Variants in BRSK2 observed in about 807,000 individuals in gnomAD.
BRSK2 encodes serine/threonine-protein kinase BRSK2.
In BRSK2, 19 loss-of-function variants were observed where a neutral mutation model predicts 83.3. That is an observed-to-expected ratio of 0.23 (90% CI 0.16 to 0.33). The LOEUF (loss-of-function observed/expected upper bound fraction) is 0.33. Among genes scored for constraint, BRSK2 ranks in the 10% least tolerant of loss-of-function variants. The pLI is 1.00. For synonymous variants in BRSK2, 519 were observed against 435.4 expected, an observed-to-expected ratio of 1.19 and a Z score of -2.39; for missense variants, 798 against 1,042.3, an observed-to-expected ratio of 0.77 and a Z score of 3.23.
intron 1 of BRSK2, among the ~76,000 whole-genome samples, chr11:1,401,889 G>C (rs1205760879): frequency 3.3e-5 from 5 of 152,242 alleles, no homozygotes; most frequent in Non-Finnish European, 7.3e-5. Context: ...AGCTATGTGA[G>C]GGCCGGTGAT....
At position 1,444,952 on chromosome 11, in the gene BRSK2, T is replaced by C. The variant is rs1321202508; in HGVS notation, c.781-19T>C. Reference sequence around the variant, plus strand: ...CCGTCCCTCGTCCGTACTAACTCCCTGTTTCTCTTTCCTTGTAGCTAGAGC... The same window carrying C: ...CCGTCCCTCGTCCGTACTAACTCCCCGTTTCTCTTTCCTTGTAGCTAGAGC... On this transcript the variant is annotated intron_variant, in intron 8 of 19. Transcript: ENST00000528841. 2 of 1,611,128 alleles carry C rather than the reference T, an allele frequency of 1.2e-6. No homozygotes were observed. The highest frequency in any genetic ancestry group is 1.7e-6 in the Non-Finnish European group (2 of 1,177,612).
Position 1,438,320 on chromosome 11 carries a change from C to T in BRSK2, c.201C>T (p.Ile67=), listed in dbSNP as rs577288602. ...ESVLMKVERE[I]AILKLIEHPH... ...CTCCCATGCAGGTGGAGCGGGAGAT[C>T]GCGATCCTGAAGCTCATTGAGCACC... Residue 67 remains isoleucine (I), a synonymous_variant, in exon 3 of 20, where the codon ATC becomes ATT. Transcript: ENST00000528841. This position sits in a 1 kb window ranked among gnomAD's most constrained non-coding sequence, Gnocchi z 6.4. 26 of 1,614,046 alleles carry T rather than the reference C, an allele frequency of 1.6e-5. No homozygotes were observed. The highest frequency in any genetic ancestry group is 4.4e-5 in the South Asian group (4 of 91,072).
chr11:1,396,210 C>T (rs1221321487), intron 1 of BRSK2, among the ~76,000 whole-genome samples: 3 of 111,648 alleles, frequency 2.7e-5, no homozygotes, highest in East Asian at 2.3e-4. Context: ...CCACGTCCCC[C>T]ACTCCTGGTC....
intron 1 of BRSK2, among the ~76,000 whole-genome samples, chr11:1,402,270 C>T (rs1391003401): frequency 1.3e-5 from 2 of 152,212 alleles, no homozygotes; most frequent in Non-Finnish European, 2.9e-5. Context: ...TCCATGTCCC[C>T]TGGAGCGCAC....
intron 8 of BRSK2, among the ~76,000 whole-genome samples, chr11:1,443,905 C>G (rs1026600944): frequency 2.0e-5 from 3 of 151,732 alleles, no homozygotes; most frequent in Admixed American, 6.6e-5. Flanking sequence ...TGTGTGGGCT[C>G]GTGTTCAGGT....
intron 6 of BRSK2, 31 bp from the exon 7 acceptor site, chr11:1,443,304 C>A: frequency 6.3e-7 from 1 of 1,590,018 alleles, no homozygotes; most frequent in Non-Finnish European, 8.5e-7. Context: ...TGCCCTGCGC[C>A]CCCCAACAGC....
Position 1,413,814 on chromosome 11 carries a change from C to T in BRSK2, c.92-22226C>T, listed in dbSNP as rs557157830. 3.3e-5 allele frequency among the ~76,000 whole-genome samples: 5 copies of T among 152,322 alleles called. No individual in the cohort carries two copies. The South Asian group carries it at 1.0e-3, about 32-fold the overall frequency. Reference sequence around the variant, plus strand: ...GCCATCTCTGGGGGCATCAGTGGCCCCAGAGCCAAGGAGCAGCCCCAGGGG... The same window carrying T: ...GCCATCTCTGGGGGCATCAGTGGCCTCAGAGCCAAGGAGCAGCCCCAGGGG... On this transcript the variant is annotated intron_variant, in intron 1 of 19. Coordinates refer to ENST00000528841, the MANE Select transcript of BRSK2 (RefSeq NM_001256627.2).
chr11:1,445,120 C>T, intron 9 of BRSK2, 118 bp downstream of exon 9: 3 of 1,500,610 alleles, frequency 2.0e-6, no homozygotes, highest in Non-Finnish European at 2.8e-6. Flanking sequence ...CTGCCTTGGC[C>T]CTCCGTGGCC....
In BRSK2 at chr11:1,438,582, T is replaced by C. The variant is rs1403319910; in HGVS notation, c.272+191T>C. ...CAGCCCAGGCTGCTGTGGTCTCTGC[T>C]TCTGGACCAAACCGGAGACCTGGTC... On this transcript the variant is annotated intron_variant, in intron 3 of 19. Coordinates refer to ENST00000528841, the MANE Select transcript of BRSK2 (RefSeq NM_001256627.2). The surrounding 1 kb of genome is among the most constrained non-coding windows in gnomAD (Gnocchi z 6.4). Among the ~76,000 whole-genome samples the C allele has an allele frequency of 6.6e-6, 1 of 152,106 alleles. No homozygotes were observed. Among genetic ancestry groups the C allele is most frequent in the Non-Finnish European group, 1.5e-5 (1 of 67,992 alleles).
At chr11:1,437,834 C>T (rs888914139) in intron 2 of BRSK2, among the ~76,000 whole-genome samples, 4 of 152,178 alleles carry the variant, frequency 2.6e-5, no homozygotes, top group African/African-American at 7.2e-5. Context: ...ATTCCTGAGG[C>T]TGGGCTCACA....
chr11:1,421,069 A>T (rs907482286), intron 1 of BRSK2, among the ~76,000 whole-genome samples: 1 of 151,990 alleles, frequency 6.6e-6, no homozygotes, highest in Admixed American at 6.6e-5. Flanking sequence ...GATCTTTAGG[A>T]TTCAGATCTT....
intron 1 of BRSK2, among the ~76,000 whole-genome samples, chr11:1,393,738 G>A (rs1440707990): frequency 1.3e-5 from 2 of 152,206 alleles, no homozygotes; most frequent in Admixed American, 6.5e-5. Context: ...GACCCTGGGG[G>A]TGACCCCAGG....
intron 1 of BRSK2, chr11:1,411,602 G>A (rs983725145): frequency 1.3e-6 from 2 of 1,576,706 alleles, no homozygotes; most frequent in Non-Finnish European, 1.7e-6. Context: ...CTCAAGGCCA[G>A]ACCTGGCTCT....
intron 1 of BRSK2, among the ~76,000 whole-genome samples, chr11:1,397,484 C>T (rs1357947050): frequency 3.3e-5 from 5 of 152,236 alleles, no homozygotes; most frequent in Non-Finnish European, 4.4e-5. Context: ...CCTCGTTTTC[C>T]TGGACGCCTC....
chr11:1,395,363 G>T (rs1333338473), intron 1 of BRSK2, among the ~76,000 whole-genome samples: 1 of 152,200 alleles, frequency 6.6e-6, no homozygotes, highest in East Asian at 1.9e-4. Context: ...AGGCCCATTT[G>T]GTGTCGCTGG....
intron 4 of BRSK2, 31 bp from the exon 5 acceptor site, chr11:1,442,459 C>T (rs762294741): frequency 3.2e-6 from 5 of 1,562,812 alleles, no homozygotes; most frequent in Non-Finnish European, 4.4e-6. Flanking sequence ...CAGAGACTGG[C>T]CCTGTTCAGC....
rs182399548 is a variant in BRSK2 at position 1,459,892 on chromosome 11, G to C, written c.1988-608G>C. Among the ~76,000 whole-genome samples, 595 of 152,272 alleles carry C rather than the reference G, an allele frequency of 3.9e-3. 4 individuals carry two copies. The highest frequency in any genetic ancestry group is 0.014 in the African/African-American group (566 of 41,540). On this transcript the variant is annotated intron_variant, in intron 19 of 19. Coordinates refer to ENST00000528841, the MANE Select transcript of BRSK2 (RefSeq NM_001256627.2). ...CTGCTGCTAAACTGTGTCCAAGCTG[G>C]CCAGGGGTCGGGCTTCAGGCCTCTC... is the stretch of plus-strand genomic sequence containing the variant.
intron 1 of BRSK2, chr11:1,411,150 C>T (rs1847448740): frequency 2.5e-6 from 3 of 1,223,012 alleles, no homozygotes; most frequent in Non-Finnish European, 3.1e-6. Context: ...GGTGGGGGCT[C>T]CAGTCTCAGG....
intron 18 of BRSK2, chr11:1,457,185 GC>G (rs1846687455): frequency 2.5e-6 from 2 of 795,486 alleles, no homozygotes; most frequent in Non-Finnish European, 3.9e-6. Flanking sequence ...GCCCCGGGCG[GC>G]CCATCTGCTA....
Sources: gnomAD v4.1 joint callset for allele counts (sites outside exome capture counted in the v4.1 genomes callset) on GRCh38, gnomAD v4.1.1 for gene constraint, Gnocchi (gnomAD v3.1) non-coding constraint, MANE v1.5 for transcripts, NCBI Gene and HGNC (gene_info 2026-07-23, HGNC 2026-07-21) for gene names.